The following LRCH1 variants were observed in gnomAD, a reference collection of about 807,000 sequenced individuals.
LRCH1 encodes the protein leucine-rich repeat and calponin homology domain-containing protein 1.
Under a neutral mutation model 94.9 loss-of-function variants are expected in LRCH1, and 23 were observed. That is an observed-to-expected ratio of 0.24 (90% confidence interval 0.17 to 0.34). The LOEUF (loss-of-function observed/expected upper bound fraction) is 0.34. Ranked by LOEUF, LRCH1 falls within the 10% of genes least tolerant of loss-of-function variation. LRCH1 has a pLI of 1.00. For synonymous variants in LRCH1, 364 were observed against 354.9 expected, an observed-to-expected ratio of 1.03 and a Z score of -0.29; for missense variants, 790 against 945.9, an observed-to-expected ratio of 0.84 and a Z score of 2.16.
intron 1 of LRCH1, among the ~76,000 whole-genome samples, chr13:46,585,408 T>C (rs1388220801): frequency 6.6e-6 from 1 of 152,006 alleles, no homozygotes; most frequent in Non-Finnish European, 1.5e-5. Context: ...AAACCACGTC[T>C]CTACTAAAAA....
intron 17 of LRCH1, among the ~76,000 whole-genome samples, chr13:46,723,669 G>A (rs554328065): frequency 5.9e-5 from 9 of 152,134 alleles, no homozygotes; most frequent in Admixed American, 2.0e-4. Context: ...GCGTGGTGGC[G>A]TATGCCTGTA....
At chr13:46,557,686 T>G (rs892395398) in intron 1 of LRCH1, among the ~76,000 whole-genome samples, 4 of 151,456 alleles carry the variant, frequency 2.6e-5, no homozygotes, top group African/African-American at 9.7e-5. Context: ...CTACTGAAAA[T>G]ACAAACATTA....
chr13:46,628,952 A>G (rs1566186646), intron 1 of LRCH1, among the ~76,000 whole-genome samples: 1 of 152,180 alleles, frequency 6.6e-6, no homozygotes, highest in Non-Finnish European at 1.5e-5. Context: ...AACATCATGG[A>G]ATGTACCCAT....
In LRCH1 at chr13:46,741,668, C is replaced by A; in HGVS notation, c.2112C>A (p.Ile704=). ...PEADLCSPCD[I]LQLDFRHIRK... is the part of the protein sequence containing the mutation. The stretch of plus-strand genomic sequence containing the variant: ...CTGACCTCTGCTCTCCGTGTGACAT[C>A]CTGCAGTTGGATTTTCGTCACATTC... Residue 704 remains isoleucine (I), a synonymous_variant, in exon 20 of 20, where the codon ATC becomes ATA. Transcript: ENST00000389797. The A allele has an allele frequency of 6.2e-7, 1 of 1,614,224 alleles. No homozygotes were observed. Among genetic ancestry groups the A allele is most frequent in the Non-Finnish European group, 8.5e-7 (1 of 1,180,032 alleles).
At chr13:46,647,946 C>T (rs1276448353) in intron 1 of LRCH1, among the ~76,000 whole-genome samples, 1 of 152,120 alleles carries the variant, frequency 6.6e-6, no homozygotes, top group Non-Finnish European at 1.5e-5. Flanking sequence ...TTGTGGAAGA[C>T]AGCTTTTCCC....
chr13:46,650,151 T>C (rs2051273706), intron 1 of LRCH1, 50 bp from the exon 2 acceptor site: 8 of 1,342,432 alleles, frequency 6.0e-6, no homozygotes, highest in Middle Eastern at 1.8e-4. Context: ...TAAAAGTGTA[T>C]TGATTTTGTT....
intron 17 of LRCH1, among the ~76,000 whole-genome samples, chr13:46,727,397 G>A (rs1872874919): frequency 6.6e-6 from 1 of 152,204 alleles, no homozygotes; most frequent in African/African-American, 2.4e-5. Context: ...CTGTGGGAGT[G>A]TAACAAATGA....
At chr13:46,606,412 T>C (rs1188904814) in intron 1 of LRCH1, among the ~76,000 whole-genome samples, 1 of 152,180 alleles carries the variant, frequency 6.6e-6, no homozygotes, top group Non-Finnish European at 1.5e-5. Flanking sequence ...TTTGATATCC[T>C]TCCTCATTGT....
downstream of LRCH1, among the ~76,000 whole-genome samples, chr13:46,745,441 G>A (rs995446228): frequency 6.6e-6 from 1 of 152,052 alleles, no homozygotes; most frequent in African/African-American, 2.4e-5. Flanking sequence ...TGGGATGGTG[G>A]TGTTTCCACT....
intron 19 of LRCH1, among the ~76,000 whole-genome samples, chr13:46,741,410 A>G (rs1415302603): frequency 6.6e-6 from 1 of 152,150 alleles, no homozygotes; most frequent in Non-Finnish European, 1.5e-5. Context: ...CCATGGCGAG[A>G]TTGTGAGTGA....
chr13:46,581,600 G>A (rs1261523349), intron 1 of LRCH1, among the ~76,000 whole-genome samples: 2 of 152,220 alleles, frequency 1.3e-5, no homozygotes, highest in Non-Finnish European at 2.9e-5. Flanking sequence ...CGTGTTAGAT[G>A]TGAGGAATCT....
intron 19 of LRCH1, among the ~76,000 whole-genome samples, chr13:46,739,240 A>G (rs1593388020): frequency 6.6e-6 from 1 of 152,162 alleles, no homozygotes; most frequent in South Asian, 2.1e-4. Context: ...TCTCGGTCAC[A>G]CACTCTGGTT....
At chr13:46,574,725 A>G (rs2050281981) in intron 1 of LRCH1, among the ~76,000 whole-genome samples, 1 of 152,044 alleles carries the variant, frequency 6.6e-6, no homozygotes, top group African/African-American at 2.4e-5. Context: ...CATTTTAATC[A>G]TTTAAAAGGT....
At chr13:46,741,078 G>T (rs1272481644) in intron 19 of LRCH1, among the ~76,000 whole-genome samples, 3 of 152,098 alleles carry the variant, frequency 2.0e-5, no homozygotes, top group Admixed American at 2.0e-4. Context: ...TCTGACACAT[G>T]TAGGGACATA....
At chr13:46,730,211 G>T (rs1310470721) in intron 18 of LRCH1, among the ~76,000 whole-genome samples, 3 of 152,170 alleles carry the variant, frequency 2.0e-5, no homozygotes, top group Non-Finnish European at 4.4e-5. Flanking sequence ...AATTCTAAAA[G>T]CTATACAACT....
Position 46,723,309 on chromosome 13 carries a change from G to A in LRCH1, c.1848G>A (p.Glu616=), listed in dbSNP as rs188820612. The change falls in exon 17 of 20, where the codon GAG becomes GAA. Residue 616 remains glutamate, a synonymous_variant. Coordinates refer to ENST00000389797, the MANE Select transcript of LRCH1 (RefSeq NM_001164211.2). ...TGGAGCAGATGAGAGAAGAGAAAGA[G>A]CTGGTGGAACAACTTCGTGAGGTAC... ...RKMEQMREEK[E]LVEQLRESIE... 5 of 1,612,432 alleles carry A rather than the reference G, an allele frequency of 3.1e-6. No homozygotes were observed. The East Asian group carries it at 6.7e-5, about 22-fold the overall frequency.
chr13:46,563,775 A>C (rs534585429), intron 1 of LRCH1, among the ~76,000 whole-genome samples: 10 of 152,314 alleles, frequency 6.6e-5, no homozygotes, highest in African/African-American at 2.4e-4. Context: ...ATCCATTCAT[A>C]TCTCTCCCTC....
rs534865069 is a variant in LRCH1 at position 46,626,049 on chromosome 13, G to A, written c.308-24152G>A. On this transcript the variant is annotated intron_variant, in intron 1 of 19. Transcript: ENST00000389797. Reference sequence around the variant, plus strand: ...TATATTCAGCAGTATTCTATGTTATGTAAGGAGTTGTGGCGTGAAACCACT... The same window carrying A: ...TATATTCAGCAGTATTCTATGTTATATAAGGAGTTGTGGCGTGAAACCACT... 1.7e-3 allele frequency among the ~76,000 whole-genome samples: 260 copies of A among 152,286 alleles called. 1 individual carries two copies. The highest frequency in any genetic ancestry group is 5.8e-3 in the African/African-American group (239 of 41,564).
At chr13:46,628,663 G>GAA (rs1168425782) in intron 1 of LRCH1, among the ~76,000 whole-genome samples, 4 of 144,116 alleles carry the variant, frequency 2.8e-5, no homozygotes, top group Admixed American at 6.9e-5. Context: ...TCTCAGGGAA[G>GAA]AAAAAAAAAA....
Sources: gnomAD v4.1 joint callset for allele counts (sites outside exome capture counted in the v4.1 genomes callset) on GRCh38, gnomAD v4.1.1 for gene constraint, MANE v1.5 for transcripts, NCBI Gene and HGNC (gene_info 2026-07-23, HGNC 2026-07-21) for gene names.